Variants in SLC25A19 observed in about 807,000 individuals in gnomAD.
The protein encoded by SLC25A19 is solute carrier family 25 member 19.
A neutral mutation model predicts 27.9 loss-of-function variants in SLC25A19; 18 were observed. The observed-to-expected ratio is 0.64, with a 90% CI of 0.45 to 0.96. The LOEUF is 0.96. Among genes scored for constraint, SLC25A19 ranks in the 40% least tolerant of loss-of-function variants. SLC25A19 has a pLI of 0.00. For synonymous variants in SLC25A19, 169 were observed against 167.1 expected (o/e 1.01, Z -0.09); for missense variants, 371 against 418.3 (o/e 0.89, Z 0.99).
intron 5 of SLC25A19, among the ~76,000 whole-genome samples, chr17:75,282,544 C>T (rs1006765598): frequency 5.3e-5 from 8 of 149,656 alleles, no homozygotes; most frequent in Non-Finnish European, 8.9e-5. Context: ...AGCGAGACTC[C>T]GTCTCTTGAA....
At chr17:75,281,021 CAAAAAATA>C (rs2078027401) in intron 5 of SLC25A19, among the ~76,000 whole-genome samples, 2 of 148,338 alleles carry the variant, frequency 1.3e-5, no homozygotes, top group Admixed American at 1.3e-4. Context: ...CCTGCCCCTA[CAAAAAATA>C]AAAAAATAAA....
chr17:75,277,444 ACAC>A lies in SLC25A19; in HGVS notation c.680_682del (p.Gly227del). On this transcript the variant is annotated inframe_deletion, in exon 7 of 8. Transcript: ENST00000416858. ...CGGATATGTCAGGGTCTTGCTGATG[ACAC>A]CAGCTCCACTGCCACAAAGCAGGTT... 6.2e-7 allele frequency: 1 copy of A among 1,614,112 alleles called. No homozygotes were observed. Among genetic ancestry groups the A allele is most frequent in the East Asian group, 2.2e-5 (1 of 44,886 alleles).
chr17:75,279,402 AC>A (rs988689892), intron 5 of SLC25A19, among the ~76,000 whole-genome samples: 1 of 152,066 alleles, frequency 6.6e-6, no homozygotes. Context: ...GTAGGTTTTA[AC>A]CACATCTCTT....
At chr17:75,274,149 C>A (rs2077801219) in intron 7 of SLC25A19, among the ~76,000 whole-genome samples, 1 of 152,208 alleles carries the variant, frequency 6.6e-6, no homozygotes, top group Non-Finnish European at 1.5e-5. Flanking sequence ...AGAAGCTGGA[C>A]AGCGCTCCTT....
At chr17:75,286,188 TG>T in intron 4 of SLC25A19, 115 bp downstream of exon 4, 1 of 1,319,754 alleles carries the variant, frequency 7.6e-7, no homozygotes, top group Non-Finnish European at 1.1e-6. Context: ...GTGGGAAGCG[TG>T]GGGCCTGCCT....
intron 5 of SLC25A19, among the ~76,000 whole-genome samples, 168 bp downstream of exon 5, chr17:75,283,255 C>T (rs1414546483): frequency 8.6e-5 from 13 of 151,834 alleles, no homozygotes; most frequent in Non-Finnish European, 1.8e-4. Flanking sequence ...AAGCCAAGAT[C>T]GCACCACTGC....
At chr17:75,280,396 A>C (rs2078009524) in intron 5 of SLC25A19, among the ~76,000 whole-genome samples, 1 of 151,698 alleles carries the variant, frequency 6.6e-6, no homozygotes, top group African/African-American at 2.4e-5. Flanking sequence ...AAGCCCAGGC[A>C]TGGTGACTCA....
intron 2 of SLC25A19, among the ~76,000 whole-genome samples, chr17:75,287,923 C>T (rs901626584): frequency 1.3e-5 from 2 of 152,146 alleles, no homozygotes; most frequent in Non-Finnish European, 2.9e-5. Flanking sequence ...GCGGGTGGAT[C>T]GCCTGAGGTC....
In SLC25A19 at chr17:75,283,596, G is replaced by A; in HGVS notation, c.289-3C>T. ...GTCAGCATTTCAAATGACAAGAACT[G>A]CAAGAGTAAGTGAAGAAGTCACCGA... On this transcript the variant is annotated splice_polypyrimidine_tract_variant and splice_region_variant and intron_variant, in intron 4 of 7. Transcript: ENST00000416858. 2 of 1,612,700 alleles carry A rather than the reference G, an allele frequency of 1.2e-6. No individual in the cohort carries two copies. Among genetic ancestry groups the A allele is most frequent in the Non-Finnish European group, 1.7e-6 (2 of 1,179,304 alleles).
At chr17:75,287,019 T>A in intron 2 of SLC25A19, 1 of 469,150 alleles carries the variant, frequency 2.1e-6, no homozygotes, top group Non-Finnish European at 3.9e-6. Context: ...TGGGCAACAC[T>A]GCAAAACCCC....
intron 7 of SLC25A19, among the ~76,000 whole-genome samples, chr17:75,276,143 C>T (rs1238578665): frequency 6.6e-6 from 1 of 151,820 alleles, no homozygotes; most frequent in African/African-American, 2.4e-5. Context: ...GGCGTGGTGG[C>T]ACGCGCTTGT....
intron 5 of SLC25A19, among the ~76,000 whole-genome samples, chr17:75,279,473 C>T (rs896289987): frequency 4.7e-5 from 7 of 149,468 alleles, no homozygotes; most frequent in South Asian, 2.1e-4. Context: ...TCCAACATGT[C>T]AATAGTTGAA....
chr17:75,278,124 G>T, intron 6 of SLC25A19, 28 bp downstream of exon 6: 8 of 1,610,054 alleles, frequency 5.0e-6, no homozygotes, highest in Non-Finnish European at 5.9e-6. Flanking sequence ...GGGTGGGAGG[G>T]CTCCCTCTCG....
At chr17:75,284,992 G>A (rs1184501659) in intron 4 of SLC25A19, among the ~76,000 whole-genome samples, 1 of 152,108 alleles carries the variant, frequency 6.6e-6, no homozygotes, top group Non-Finnish European at 1.5e-5. Flanking sequence ...AGGCTGGAGT[G>A]CAGTGGCTCG....
intron 5 of SLC25A19, 25 bp downstream of exon 5, chr17:75,283,398 C>G: frequency 6.2e-7 from 1 of 1,610,228 alleles, no homozygotes; most frequent in Non-Finnish European, 8.5e-7. Context: ...TTTGGGCTTC[C>G]CCGGTCTGGC....
At chr17:75,280,770 G>A (rs2078020007) in intron 5 of SLC25A19, among the ~76,000 whole-genome samples, 1 of 151,662 alleles carries the variant, frequency 6.6e-6, no homozygotes, top group African/African-American at 2.4e-5. Context: ...GCGACAGAGT[G>A]AGACTTCATC....
At chr17:75,282,302 G>A (rs1053479630) in intron 5 of SLC25A19, among the ~76,000 whole-genome samples, 1 of 152,172 alleles carries the variant, frequency 6.6e-6, no homozygotes, top group African/African-American at 2.4e-5. Context: ...TGTAATCCTA[G>A]CACTTTGGGA....
intron 7 of SLC25A19, among the ~76,000 whole-genome samples, chr17:75,274,973 C>CTTTTTTTTTTT (rs67040059): frequency 1.3e-4 from 6 of 47,174 alleles, no homozygotes; most frequent in East Asian, 1.7e-3. Context: ...GGATTTTGGT[C>CTTTTTTTTTTT]TTTTTTTTTT....
rs145088715 is a variant in SLC25A19, at chr17:75,278,185, T to G, written c.610A>C (p.Lys204Gln). 173 of 1,613,800 alleles carry G rather than the reference T, an allele frequency of 1.1e-4. No homozygotes were observed. The highest frequency in any genetic ancestry group is 1.2e-4 in the Non-Finnish European group (147 of 1,180,018). The stretch of plus-strand genomic sequence containing the variant: ...TTTCCTTCGGCTGGTATGGCCCACT[T>G]GTACAGGTGCTTCAAGGAGCTGTAG... ...SCYSSLKHLYKWAIPAEGKKN... is the reference protein window; with the variant it reads ...SCYSSLKHLYQWAIPAEGKKN... The change falls in exon 6 of 8, where the codon AAG (lysine) becomes CAG (glutamine). Residue 204 changes from lysine (K) to glutamine (Q), a missense_variant. Coordinates refer to ENST00000416858, the MANE Select transcript of SLC25A19 (RefSeq NM_001126121.2).
Sources: allele counts gnomAD v4.1 joint callset (sites outside exome capture counted in the v4.1 genomes callset), GRCh38; gene constraint gnomAD v4.1.1; transcripts MANE v1.5; gene names NCBI Gene and HGNC (gene_info 2026-07-23, HGNC 2026-07-21).